Variants in P2RX7 observed in about 807,000 individuals in gnomAD.
The protein encoded by P2RX7 is purinergic receptor P2X 7.
Under a neutral mutation model 71.6 loss-of-function variants are expected in P2RX7, and 62 were observed. The observed-to-expected ratio is 0.87, with a 90% CI of 0.71 to 1.07. P2RX7 has a LOEUF of 1.07. Among genes scored for constraint, P2RX7 ranks in the 50% least tolerant of loss-of-function variants. The pLI is 0.00. For synonymous variants in P2RX7, 299 were observed against 283.3 expected, an observed-to-expected ratio of 1.06 and a Z score of -0.56; for missense variants, 686 against 748.5, an observed-to-expected ratio of 0.92 and a Z score of 0.97.
Position 121,163,756 on chromosome 12 carries a change from C to T in P2RX7, c.533+1236C>T, listed in dbSNP as rs185573880. Among the ~76,000 whole-genome samples the T allele has an allele frequency of 4.9e-4, 74 of 152,202 alleles. 1 individual carries two copies. The East Asian group carries it at 0.011, about 23-fold the overall frequency. On this transcript the variant is annotated intron_variant, in intron 5 of 12. Coordinates refer to ENST00000328963, the MANE Select transcript of P2RX7 (RefSeq NM_002562.6). ...TACAGGTTTGAGCCATTGCTCCCAG[C>T]CTGAATTTTTAATTAAATTTAAATT... is the stretch of plus-strand genomic sequence containing the variant.
chr12:121,175,509 G>T (rs200536378), intron 9 of P2RX7, 31 bp downstream of exon 9: 5 of 946,374 alleles, frequency 5.3e-6, no homozygotes, highest in Middle Eastern at 2.1e-4. Flanking sequence ...CCGGGCACCG[G>T]CATCCTATGA....
intron 11 of P2RX7, among the ~76,000 whole-genome samples, chr12:121,179,191 T>C (rs1011613144): frequency 1.8e-4 from 28 of 152,058 alleles, no homozygotes; most frequent in Admixed American, 9.2e-4. Context: ...AAGATAAATC[T>C]CTGGTACCTA....
At chr12:121,159,564 G>A (rs567661244) in intron 3 of P2RX7, among the ~76,000 whole-genome samples, 1 of 152,144 alleles carries the variant, frequency 6.6e-6, no homozygotes, top group South Asian at 2.1e-4. Context: ...TCCTTGACCT[G>A]AATCACTGTA....
intron 8 of P2RX7, among the ~76,000 whole-genome samples, chr12:121,168,147 C>A (rs759628251): frequency 3.3e-5 from 5 of 152,082 alleles, no homozygotes; most frequent in Non-Finnish European, 5.9e-5. Flanking sequence ...TTGTGGTATT[C>A]TGCGGGGTTT....
At position 121,184,324 on chromosome 12, in the gene P2RX7, C is replaced by T. The variant is rs201797110; in HGVS notation, c.1310C>T (p.Thr437Ile). The T allele has an allele frequency of 1.2e-6, 2 of 1,608,866 alleles. No individual in the cohort carries two copies. Among genetic ancestry groups the T allele is most frequent in the Non-Finnish European group, 1.7e-6 (2 of 1,176,844 alleles). ...TTTCAGAGACCTGCGATGGACTTCACAGATTTGTCCAGGCTGCCCCTGGCC... is the reference window on the plus strand; with the variant it reads ...TTTCAGAGACCTGCGATGGACTTCATAGATTTGTCCAGGCTGCCCCTGGCC... Reference protein sequence around the residue: ...QEVPRPAMDFTDLSRLPLALH... With the variant: ...QEVPRPAMDFIDLSRLPLALH... The change falls in exon 13 of 13, where the codon ACA becomes ATA. Residue 437 changes from threonine to isoleucine, a missense_variant. Physicochemically the swap from Thr to Ile is moderately conservative, Grantham distance 89 (BLOSUM62 -1). Transcript: ENST00000328963.
chr12:121,143,082 A>C (rs1157456670), intron 1 of P2RX7, among the ~76,000 whole-genome samples: 1 of 109,852 alleles, frequency 9.1e-6, no homozygotes. Flanking sequence ...ACTTCATCTC[A>C]AAAAAAAAAA....
Position 121,154,755 on chromosome 12 carries a change from C to T in P2RX7, c.126-30C>T, listed in dbSNP as rs200026479. On this transcript the variant is annotated intron_variant, in intron 1 of 12. Transcript: ENST00000328963. The surrounding 1 kb of genome is among the most constrained non-coding windows in gnomAD (Gnocchi z 4.2). Reference sequence around the variant, plus strand: ...TCCCAACCCGCTGTGCTATGCCTCCCGTTGATGCTTTCCCATGTCTGCCAT... The same window carrying T: ...TCCCAACCCGCTGTGCTATGCCTCCTGTTGATGCTTTCCCATGTCTGCCAT... 6.2e-4 allele frequency: 928 copies of T among 1,490,200 alleles called. 3 individuals are homozygous for T. The highest frequency in any genetic ancestry group is 8.0e-4 in the Non-Finnish European group (854 of 1,066,906). The allele number at this position is 1,490,200 out of a possible 1,614,324, so 92.3% of individuals were successfully genotyped here.
chr12:121,174,230 T>A (rs940611441), intron 8 of P2RX7, among the ~76,000 whole-genome samples: 4 of 151,974 alleles, frequency 2.6e-5, no homozygotes, highest in African/African-American at 4.8e-5. Context: ...GTATTTTTAG[T>A]AGAGATGGGG....
chr12:121,155,508 G>A lies in P2RX7; in HGVS notation c.294+555G>A, dbSNP rs1034103052. The A allele has an allele frequency of 4.8e-6, 4 of 827,330 alleles. No individual in the cohort carries two copies. The African/African-American group carries it at 5.4e-5, about 11-fold the overall frequency. 51.2% of individuals were successfully genotyped at this position (827,330 alleles called of 1,614,324 possible). ...GAATTGCCAAAAAAGAGAAATTAAA[G>A]TAGGGTTGAGGAGTCCAAAAAACAG... is the stretch of plus-strand genomic sequence containing the variant. On this transcript the variant is annotated intron_variant, in intron 2 of 12. Coordinates refer to ENST00000328963, the MANE Select transcript of P2RX7 (RefSeq NM_002562.6).
At chr12:121,172,831 TA>T (rs1438418995) in intron 8 of P2RX7, among the ~76,000 whole-genome samples, 1 of 152,244 alleles carries the variant, frequency 6.6e-6, no homozygotes, top group East Asian at 1.9e-4. Flanking sequence ...AGATGTTTCT[TA>T]CTATTTTTTG....
chr12:121,149,448 G>A lies in P2RX7; in HGVS notation c.126-5337G>A, dbSNP rs191823877. Among the ~76,000 whole-genome samples the A allele has an allele frequency of 7.9e-5, 12 of 152,318 alleles. No homozygotes were observed. The highest frequency in any genetic ancestry group is 7.7e-4 in the East Asian group (4 of 5,186). Reference sequence around the variant, plus strand: ...AGGCCTCACAATCATGGCAGAGGGCGAAAGGCATGTCTTACATGGTGGCAG... The same window carrying A: ...AGGCCTCACAATCATGGCAGAGGGCAAAAGGCATGTCTTACATGGTGGCAG... On this transcript the variant is annotated intron_variant, in intron 1 of 12. Transcript: ENST00000328963. The surrounding 1 kb of genome is among the most constrained non-coding windows in gnomAD (Gnocchi z 4.7).
Position 121,154,932 on chromosome 12 carries a change from A to T in P2RX7, c.273A>T (p.Ala91=). 1 of 1,613,316 alleles carries T rather than the reference A, an allele frequency of 6.2e-7. No individual in the cohort carries two copies. Among genetic ancestry groups the T allele is most frequent in the Non-Finnish European group, 8.5e-7 (1 of 1,179,748 alleles). The part of the protein sequence containing the change: ...KKLVHSVFDT[A]DYTFPLQGNS... The stretch of plus-strand genomic sequence containing the variant: ...TGGTGCACAGTGTCTTTGACACCGC[A>T]GACTACACCTTCCCTTTGCAGGTGA... The change falls in exon 2 of 13, where the codon GCA becomes GCT. Residue 91 remains alanine (A), a synonymous_variant. Transcript: ENST00000328963. This position sits in a 1 kb window ranked among gnomAD's most constrained non-coding sequence, Gnocchi z 4.2.
At position 121,149,863 on chromosome 12, in the gene P2RX7, C is replaced by G. The variant is rs1037170885; in HGVS notation, c.126-4922C>G. Among the ~76,000 whole-genome samples, 1 of 152,160 alleles carries G rather than the reference C, an allele frequency of 6.6e-6. No individual in the cohort carries two copies. The highest frequency in any genetic ancestry group is 1.5e-5 in the Non-Finnish European group (1 of 68,020). On this transcript the variant is annotated intron_variant, in intron 1 of 12. Transcript: ENST00000328963. This position sits in a 1 kb window ranked among gnomAD's most constrained non-coding sequence, Gnocchi z 4.7. ...GCGAATATAGGTGCACACCACCACA[C>G]CCCCACAACTTACCCATCCTCCCCG...
intron 5 of P2RX7, 108 bp downstream of exon 5, chr12:121,162,628 G>A (rs1350870642): frequency 3.7e-6 from 5 of 1,353,838 alleles, no homozygotes; most frequent in African/African-American, 1.5e-5. Context: ...CAAAGTCCTG[G>A]GTCCTACCGG....
At chr12:121,175,190 A>C (rs1488577327) in intron 8 of P2RX7, among the ~76,000 whole-genome samples, 198 bp from the exon 9 acceptor site, 1 of 149,356 alleles carries the variant, frequency 6.7e-6, no homozygotes, top group African/African-American at 2.6e-5. Context: ...GCATGCCTGT[A>C]GTCCCAGCTA....
chr12:121,161,029 T>A, intron 4 of P2RX7, 55 bp downstream of exon 4: 2 of 1,326,648 alleles, frequency 1.5e-6, no homozygotes, highest in Non-Finnish European at 2.2e-6. Context: ...GGCATCTTGG[T>A]GACATTTGTG....
At chr12:121,148,465 T>A (rs1373840926) in intron 1 of P2RX7, among the ~76,000 whole-genome samples, 2 of 152,102 alleles carry the variant, frequency 1.3e-5, no homozygotes, top group Non-Finnish European at 2.9e-5. Flanking sequence ...TCCACCTGCC[T>A]CAGCCTCCCA....
At position 121,133,059 on chromosome 12, in the gene P2RX7, A is replaced by T. The variant is rs1872756133; in HGVS notation, c.89A>T (p.Lys30Met). 1.2e-6 allele frequency: 2 copies of T among 1,614,046 alleles called. No individual in the cohort carries two copies. The highest frequency in any genetic ancestry group is 1.7e-6 in the Non-Finnish European group (2 of 1,180,018). Residue 30 changes from lysine to methionine, a missense_variant, in exon 1 of 13, where the codon AAG (lysine) becomes ATG (methionine). Physicochemically the swap from Lys to Met is moderately conservative, Grantham distance 95 (BLOSUM62 -1). Transcript: ENST00000328963. Reference sequence around the variant, plus strand: ...CAGAGCATGAATTATGGCACCATTAAGTGGTTCTTCCACGTGATCATCTTT... The same window carrying T: ...CAGAGCATGAATTATGGCACCATTATGTGGTTCTTCCACGTGATCATCTTT... ...RIQSMNYGTIKWFFHVIIFSY... is the reference protein window; with the variant it reads ...RIQSMNYGTIMWFFHVIIFSY...
chr12:121,174,830 G>A (rs577893282), intron 8 of P2RX7, among the ~76,000 whole-genome samples: 28 of 151,516 alleles, frequency 1.8e-4, no homozygotes, highest in South Asian at 1.2e-3. Context: ...CTGATTTTCC[G>A]TCACTCTGAG....
Sources: gnomAD v4.1 joint callset for allele counts (sites outside exome capture counted in the v4.1 genomes callset) on GRCh38, gnomAD v4.1.1 for gene constraint, Gnocchi (gnomAD v3.1) non-coding constraint, MANE v1.5 for transcripts, NCBI Gene and HGNC (gene_info 2026-07-23, HGNC 2026-07-21) for gene names.